Variants in SLC7A1 observed in about 807,000 individuals in gnomAD.
SLC7A1 encodes solute carrier family 7 member 1.
In SLC7A1, 10 loss-of-function variants were observed where a neutral mutation model predicts 53.9. The observed-to-expected ratio is 0.19, with a 90% CI of 0.11 to 0.31. The LOEUF (loss-of-function observed/expected upper bound fraction) is 0.31, where lower values mean the gene tolerates loss of function less well. SLC7A1 is among the 10% of genes least tolerant of loss of function. The pLI is 1.00. For missense variants in SLC7A1, 525 were observed against 827.2 expected, an observed-to-expected ratio of 0.63 and a Z score of 4.48; for synonymous variants, 342 against 338.7, an observed-to-expected ratio of 1.01 and a Z score of -0.11.
At chr13:29,524,089 A>G (rs2776958) in intron 6 of SLC7A1, 43 bp downstream of exon 6, 1,563,587 of 1,603,812 alleles carry the variant, frequency 0.97, 762,700 homozygotes, top group Non-Finnish European at 0.98. Context: ...TTGTTTGCCC[A>G]GGGTGCAGGA....
chr13:29,577,462 T>C (rs1462400051), intron 1 of SLC7A1, among the ~76,000 whole-genome samples: 3 of 152,218 alleles, frequency 2.0e-5, no homozygotes, highest in African/African-American at 7.2e-5. Flanking sequence ...TGACACTAAC[T>C]GAAGAGTGGC....
rs186773672 is a variant in SLC7A1 at position 29,524,664 on chromosome 13, A to C, written c.705-411T>G. ...TCCTACCCCGGGTCCCATATTTACC[A>C]GTAACTCAATCTCAAAACAAACAAT... On this transcript the variant is annotated intron_variant, in intron 5 of 12. Coordinates refer to ENST00000380752, the MANE Select transcript of SLC7A1 (RefSeq NM_003045.5). Among the ~76,000 whole-genome samples, 311 of 152,268 alleles carry C rather than the reference A, an allele frequency of 2.0e-3. 2 individuals carry two copies. The highest frequency in any genetic ancestry group is 7.4e-3 in the African/African-American group (306 of 41,568).
At chr13:29,590,860 T>C (rs1008300910) in intron 1 of SLC7A1, among the ~76,000 whole-genome samples, 6 of 152,122 alleles carry the variant, frequency 3.9e-5, no homozygotes, top group Non-Finnish European at 8.8e-5. Flanking sequence ...ACCTAGCACT[T>C]TAGGGAGGCG....
chr13:29,560,729 A>C (rs1003311759), intron 1 of SLC7A1, among the ~76,000 whole-genome samples: 1 of 152,090 alleles, frequency 6.6e-6, no homozygotes, highest in Admixed American at 6.5e-5. Flanking sequence ...AATTTTTCAG[A>C]TCTATTATAA....
chr13:29,520,542 C>T (rs1566253496), intron 8 of SLC7A1, among the ~76,000 whole-genome samples: 1 of 152,194 alleles, frequency 6.6e-6, no homozygotes, highest in Non-Finnish European at 1.5e-5. Flanking sequence ...CTTATTTGAA[C>T]ATCTTTTGTG....
intron 1 of SLC7A1, among the ~76,000 whole-genome samples, chr13:29,557,793 TGA>T (rs1377810766): frequency 3.7e-5 from 2 of 53,566 alleles, no homozygotes; most frequent in African/African-American, 1.8e-4. Flanking sequence ...TGAATGTGAA[TGA>T]GGGGGAAAGT....
At chr13:29,571,378 C>T (rs963033320) in intron 1 of SLC7A1, among the ~76,000 whole-genome samples, 3 of 152,094 alleles carry the variant, frequency 2.0e-5, no homozygotes, top group African/African-American at 7.2e-5. Flanking sequence ...ATTTTATGGC[C>T]GATTTTAATT....
At chr13:29,534,965 G>C (rs917552528) in intron 3 of SLC7A1, among the ~76,000 whole-genome samples, 3 of 152,214 alleles carry the variant, frequency 2.0e-5, no homozygotes, top group African/African-American at 7.2e-5. Context: ...AAACCGGAAA[G>C]ATTTTCTACA....
At chr13:29,567,750 C>G (rs184655460) in intron 1 of SLC7A1, among the ~76,000 whole-genome samples, 2 of 152,106 alleles carry the variant, frequency 1.3e-5, no homozygotes, top group African/African-American at 2.4e-5. Context: ...GCCAGGAGCT[C>G]GGGAGAGCAG....
chr13:29,565,659 G>A (rs1870938294), intron 1 of SLC7A1, among the ~76,000 whole-genome samples: 1 of 152,140 alleles, frequency 6.6e-6, no homozygotes, highest in South Asian at 2.1e-4. Context: ...CAGGACACAG[G>A]TGGATCTCAG....
In SLC7A1 at chr13:29,517,700, G is replaced by A. The variant is rs753384837; in HGVS notation, c.1383C>T (p.Thr461=). 2 of 1,614,158 alleles carry A rather than the reference G, an allele frequency of 1.2e-6. No individual in the cohort carries two copies. The highest frequency in any genetic ancestry group is 1.7e-5 in the Admixed American group (1 of 60,028). Residue 461 remains threonine, a synonymous_variant, in exon 10 of 13, where the codon ACC becomes ACT. Coordinates refer to ENST00000380752, the MANE Select transcript of SLC7A1 (RefSeq NM_003045.5). ...GTAAAAAGCCCAGCTGGGAATCATT[G>A]GTGCTTGCCAATTCATTTTGGTCTG... ...DPADQNELAS[T]NDSQLGFLPE... is the part of the protein sequence containing the mutation.
chr13:29,544,602 A>G (rs542171475), intron 2 of SLC7A1, among the ~76,000 whole-genome samples: 9 of 152,214 alleles, frequency 5.9e-5, no homozygotes, highest in African/African-American at 1.9e-4. Flanking sequence ...TTAAGTAATA[A>G]TGCCTGGCCC....
rs1381614198 is a variant in SLC7A1, at chr13:29,510,663, G to C, written c.*3817C>G. The C allele has an allele frequency of 6.6e-6, 1 of 152,184 alleles. No homozygotes were observed. The highest frequency in any genetic ancestry group is 2.4e-5 in the African/African-American group (1 of 41,434). The allele number at this position is 152,184 out of a possible 1,614,324, so 9.4% of individuals were successfully genotyped here. A position where few individuals can be genotyped will look rare whatever the true frequency, so the allele number is the denominator to read the frequency against. On this transcript the variant is annotated 3_prime_UTR_variant, in exon 13 of 13. Coordinates refer to ENST00000380752, the MANE Select transcript of SLC7A1 (RefSeq NM_003045.5). ...CACGAGACCACCAGCGCACAGACAC[G>C]AACATGCCTCTCACACACCCCAGAA...
At chr13:29,544,772 G>A (rs956123803) in intron 2 of SLC7A1, among the ~76,000 whole-genome samples, 11 of 132,250 alleles carry the variant, frequency 8.3e-5, no homozygotes, top group African/African-American at 1.3e-4. Flanking sequence ...GCATGGCGGC[G>A]AGGGCAGTGG....
chr13:29,538,163 A>C (rs1183638476), intron 2 of SLC7A1, among the ~76,000 whole-genome samples: 1 of 152,248 alleles, frequency 6.6e-6, no homozygotes, highest in South Asian at 2.1e-4. Context: ...TAGATGGGGA[A>C]AACAGCTCAG....
chr13:29,557,007 G>A (rs1870468959), intron 1 of SLC7A1, among the ~76,000 whole-genome samples: 1 of 152,200 alleles, frequency 6.6e-6, no homozygotes, highest in Non-Finnish European at 1.5e-5. Flanking sequence ...GTTAAGCCAG[G>A]ATGAACTCAT....
intron 1 of SLC7A1, among the ~76,000 whole-genome samples, chr13:29,576,200 G>A (rs1447399072): frequency 2.0e-5 from 3 of 148,466 alleles, no homozygotes; most frequent in African/African-American, 2.5e-5. Context: ...GCTGAGGCAG[G>A]AGGATTGCTT....
Position 29,523,298 on chromosome 13 carries a change from C to T in SLC7A1, c.1017G>A (p.Val339=). 1 of 1,613,676 alleles carries T rather than the reference C, an allele frequency of 6.2e-7. No individual in the cohort carries two copies. Among genetic ancestry groups the T allele is most frequent in the Non-Finnish European group, 8.5e-7 (1 of 1,180,002 alleles). Residue 339 remains valine, a synonymous_variant, in exon 7 of 13, where the codon GTG becomes GTA. Transcript: ENST00000380752. ...AAAGAGCGCAGAGGGAGCCCACGGC[C>T]ACTGCGTACTTGGCACCTTCCCAGC... ...HVGWEGAKYA[V]AVGSLCALSA...
Position 29,515,827 on chromosome 13 carries a change from G to A in SLC7A1, c.1786+311C>T, listed in dbSNP as rs138633849. ...ACCAATTTGGTGCTGGGCAGGCCAG[G>A]GGGCCAGGAGGCACAGGCCAGACTT... On this transcript the variant is annotated intron_variant, in intron 12 of 12. Coordinates refer to ENST00000380752, the MANE Select transcript of SLC7A1 (RefSeq NM_003045.5). Among the ~76,000 whole-genome samples, 1,043 of 152,366 alleles carry A rather than the reference G, an allele frequency of 6.8e-3. 13 individuals carry two copies. The highest frequency in any genetic ancestry group is 0.024 in the African/African-American group (995 of 41,594).
Sources: gnomAD v4.1 joint callset for allele counts (sites outside exome capture counted in the v4.1 genomes callset) on GRCh38, gnomAD v4.1.1 for gene constraint, MANE v1.5 for transcripts, NCBI Gene and HGNC (gene_info 2026-07-23, HGNC 2026-07-21) for gene names.